Variants in SLC22A14 observed in about 807,000 individuals in gnomAD.
The protein encoded by SLC22A14 is organic cation transporter-like 4.
SLC22A14 carries 50 observed loss-of-function variants against 53.9 expected under a neutral mutation model. The observed-to-expected ratio is 0.93, with a 90% CI of 0.74 to 1.17. SLC22A14 has a LOEUF of 1.17. Among genes scored for constraint, SLC22A14 ranks in the 50% most tolerant of loss-of-function variants. SLC22A14 has a pLI of 0.00. For synonymous variants in SLC22A14, 312 were observed against 303.0 expected, an observed-to-expected ratio of 1.03 and a Z score of -0.31; for missense variants, 671 against 734.7, an observed-to-expected ratio of 0.91 and a Z score of 1.00.
Position 38,307,910 on chromosome 3 carries a change from AG to A in SLC22A14, c.775+191del. On this transcript the variant is annotated intron_variant, in intron 4 of 10. Transcript: ENST00000448498. The surrounding 1 kb of genome is among the most constrained non-coding windows in gnomAD (Gnocchi z 4.4). ...TCTGCTGGGATCCCACAGGACACAG[AG>A]TCAGGGGCCTAATTGGACAGGCAGA... 1.6e-6 allele frequency: 1 copy of A among 622,942 alleles called. No homozygotes were observed. Among genetic ancestry groups the A allele is most frequent in the Non-Finnish European group, 2.8e-6 (1 of 357,084 alleles). 38.6% of individuals were successfully genotyped at this position (622,942 alleles called of 1,614,324 possible).
At chr3:38,288,275 T>C (rs1270140318) in intron 1 of SLC22A14, among the ~76,000 whole-genome samples, 1 of 152,248 alleles carries the variant, frequency 6.6e-6, no homozygotes, top group Non-Finnish European at 1.5e-5. Context: ...TATTCATTTT[T>C]AAGGCTGATC....
At chr3:38,296,485 G>C (rs1330641616) in intron 1 of SLC22A14, among the ~76,000 whole-genome samples, 1 of 152,244 alleles carries the variant, frequency 6.6e-6, no homozygotes, top group Non-Finnish European at 1.5e-5. Context: ...GGACAGAATA[G>C]CAAGCAAAAG....
chr3:38,301,939 A>G (rs13066756), intron 1 of SLC22A14, among the ~76,000 whole-genome samples: 30,695 of 151,336 alleles, frequency 0.2, 3,352 homozygotes, highest in African/African-American at 0.27. Flanking sequence ...AAGTATTTAT[A>G]TATTATCTAG....
chr3:38,289,695 T>G (rs900412076), intron 1 of SLC22A14, among the ~76,000 whole-genome samples: 7 of 151,856 alleles, frequency 4.6e-5, no homozygotes, highest in Non-Finnish European at 7.4e-5. Flanking sequence ...CGATCCGGAG[T>G]GGCAATGGGC....
At chr3:38,292,215 G>A (rs1210742777) in intron 1 of SLC22A14, among the ~76,000 whole-genome samples, 2 of 152,226 alleles carry the variant, frequency 1.3e-5, no homozygotes, top group Admixed American at 1.3e-4. Flanking sequence ...TTGGGCTAAT[G>A]CCTGGCCAAA....
chr3:38,291,987 A>G (rs1478807648), intron 1 of SLC22A14, among the ~76,000 whole-genome samples: 1 of 152,240 alleles, frequency 6.6e-6, no homozygotes, highest in Non-Finnish European at 1.5e-5. Context: ...TTCTTCACTG[A>G]GGGTCCTGGT....
At chr3:38,310,589 C>A (rs1258952794) in intron 5 of SLC22A14, among the ~76,000 whole-genome samples, 1 of 152,046 alleles carries the variant, frequency 6.6e-6, no homozygotes, top group African/African-American at 2.4e-5. Flanking sequence ...ATGGCAGGGG[C>A]TATTATAGTC....
At chr3:38,296,516 C>T (rs879384368) in intron 1 of SLC22A14, among the ~76,000 whole-genome samples, 3 of 152,226 alleles carry the variant, frequency 2.0e-5, no homozygotes, top group Non-Finnish European at 4.4e-5. Flanking sequence ...TTACTCACTG[C>T]TTTGGAGATC....
At chr3:38,315,831 AC>A (rs1704604699) in intron 9 of SLC22A14, 120 bp downstream of exon 9, 2 of 1,050,852 alleles carry the variant, frequency 1.9e-6, no homozygotes, top group African/African-American at 3.1e-5. Flanking sequence ...TAAACAGTTT[AC>A]ATAAGTGATC....
chr3:38,316,768 T>G (rs745480761), intron 10 of SLC22A14, among the ~76,000 whole-genome samples: 77 of 152,218 alleles, frequency 5.1e-4, no homozygotes, highest in Non-Finnish European at 8.8e-4. Flanking sequence ...GTCGTCTCCT[T>G]TCCTTGCCCC....
intron 1 of SLC22A14, among the ~76,000 whole-genome samples, chr3:38,302,569 A>G (rs6599124): frequency 0.064 from 9,739 of 151,988 alleles, 373 homozygotes; most frequent in East Asian, 0.16. Flanking sequence ...AGGTGGGAAG[A>G]TTGCTTGAGC....
At chr3:38,310,097 G>T (rs977170861) in intron 5 of SLC22A14, among the ~76,000 whole-genome samples, 2 of 152,334 alleles carry the variant, frequency 1.3e-5, no homozygotes, top group East Asian at 3.9e-4. Context: ...CAGCATGGGG[G>T]CTGGGCGCAG....
At chr3:38,316,262 T>G in intron 9 of SLC22A14, 62 bp from the exon 10 acceptor site, 1 of 1,459,226 alleles carries the variant, frequency 6.9e-7, no homozygotes, top group Non-Finnish European at 9.6e-7. Context: ...ATGTAGCTGC[T>G]GGCCCTGCCC....
chr3:38,293,360 G>C (rs1399237254), intron 1 of SLC22A14, among the ~76,000 whole-genome samples: 2 of 152,148 alleles, frequency 1.3e-5, no homozygotes, highest in African/African-American at 4.8e-5. Context: ...GACTAAAGTG[G>C]TGGCCTTTTT....
In SLC22A14 at chr3:38,309,057, TC is replaced by T; in HGVS notation, c.883del (p.His295ThrfsTer13). The part of the protein sequence containing the change: ...VLLTGIAYSL[P>X]HWQLLFLVGG... ...TGCTGACAGGGATCGCCTACAGTCT[TC>T]CCCACTGGCAGCTGCTGTTTCTGGT... On this transcript the variant is annotated frameshift_variant, in exon 5 of 11. Coordinates refer to ENST00000448498, the MANE Select transcript of SLC22A14 (RefSeq NM_001320033.2). LOFTEE classifies it high-confidence loss of function. 6.2e-7 allele frequency: 1 copy of T among 1,613,972 alleles called. No individual in the cohort carries two copies. The highest frequency in any genetic ancestry group is 8.5e-7 in the Non-Finnish European group (1 of 1,179,818).
intron 1 of SLC22A14, among the ~76,000 whole-genome samples, chr3:38,285,886 A>T (rs1301015356): frequency 6.6e-6 from 1 of 152,234 alleles, no homozygotes; most frequent in African/African-American, 2.4e-5. Context: ...TCTATGAATA[A>T]TTCTGCCAGG....
intron 1 of SLC22A14, among the ~76,000 whole-genome samples, chr3:38,285,149 T>C (rs1703762997): frequency 6.6e-6 from 1 of 152,164 alleles, no homozygotes; most frequent in South Asian, 2.1e-4. Flanking sequence ...GAGTTTTGGC[T>C]GTGGAAAATA....
In SLC22A14 at chr3:38,316,476, C is replaced by T. The variant is rs777218679; in HGVS notation, c.1685C>T (p.Thr562Met). Residue 562 changes from threonine (T) to methionine (M), a missense_variant, in exon 10 of 11, where the codon ACG becomes ATG. By Grantham distance (81) the Thr-to-Met change is moderately conservative (BLOSUM62 -1). Transcript: ENST00000448498. ...AFSLSSLLPE[T>M]RDQPLSESLN... is the part of the protein sequence containing the mutation. ...TCCCTCTCCTCCCTGCTGCCGGAAACGCGAGATCAGCCCCTCTCCGAGAGC... is the reference window on the plus strand; with the variant it reads ...TCCCTCTCCTCCCTGCTGCCGGAAATGCGAGATCAGCCCCTCTCCGAGAGC... 1.5e-5 allele frequency: 25 copies of T among 1,614,054 alleles called. No homozygotes were observed. Among genetic ancestry groups the T allele is most frequent in the East Asian group, 4.5e-5 (2 of 44,890 alleles).
chr3:38,298,347 G>A (rs1448476042), intron 1 of SLC22A14, among the ~76,000 whole-genome samples: 2 of 152,132 alleles, frequency 1.3e-5, no homozygotes, highest in African/African-American at 4.8e-5. Context: ...TGAGTACTAG[G>A]TGTGCTCATT....
Sources: allele counts gnomAD v4.1 joint callset (sites outside exome capture counted in the v4.1 genomes callset), GRCh38; gene constraint gnomAD v4.1.1; non-coding constraint Gnocchi (gnomAD v3.1); transcripts MANE v1.5; gene names NCBI Gene and HGNC (gene_info 2026-07-23, HGNC 2026-07-21).